TENM1: variants seen among roughly 807,000 people sequenced by gnomAD.
The protein encoded by TENM1 is teneurin-1.
In TENM1, 35 loss-of-function variants were observed where a neutral mutation model predicts 174.8. The observed-to-expected ratio is 0.20, with a 90% CI of 0.15 to 0.27. TENM1 has a LOEUF of 0.27. Among genes scored for constraint, TENM1 ranks in the 10% least tolerant of loss-of-function variants. The pLI is 1.00. For missense variants in TENM1, 1,633 were observed against 2,130.1 expected (o/e 0.77, Z 4.59); for synonymous variants, 781 against 798.7 (o/e 0.98, Z 0.37).
At chrX:124,888,432 G>A (rs1344907934) in intron 3 of TENM1, among the ~76,000 whole-genome samples, 6 of 111,802 alleles carry the variant, frequency 5.4e-5, no homozygotes, top group Non-Finnish European at 1.1e-4. Context: ...AAATACAACA[G>A]CACAAGTTAA....
intron 3 of TENM1, among the ~76,000 whole-genome samples, chrX:124,758,892 G>C (rs1350624527): frequency 9.0e-6 from 1 of 111,453 alleles, no homozygotes; most frequent in Non-Finnish European, 1.9e-5. Context: ...GGGGAAGAGG[G>C]AAGTTGTTTA....
At chrX:124,510,742 C>T (rs993479370) in intron 18 of TENM1, among the ~76,000 whole-genome samples, 2 of 104,513 alleles carry the variant, frequency 1.9e-5, no homozygotes, top group African/African-American at 3.5e-5. Flanking sequence ...AAACACAACT[C>T]GTTAATTGTG....
At chrX:125,022,506 T>C in the TENM1 span, among the ~76,000 whole-genome samples, 15 of 111,972 alleles carry the variant, frequency 1.3e-4, 1 homozygote, top group East Asian at 3.9e-3. Context: ...CATTATCATG[T>C]GGGGGCTAAG....
intron 5 of TENM1, among the ~76,000 whole-genome samples, chrX:124,675,836 T>C (rs910986338): frequency 1.8e-5 from 2 of 110,109 alleles, no homozygotes; most frequent in African/African-American, 6.6e-5. Flanking sequence ...GTAAGGGTGG[T>C]CAGAGAAGGC....
At chrX:124,835,043 A>C (rs5956700) in intron 3 of TENM1, among the ~76,000 whole-genome samples, 2,191 of 111,144 alleles carry the variant, frequency 0.02, 64 homozygotes, top group African/African-American at 0.068. Context: ...TCTGCCCTCA[A>C]CTCCCCAACA....
In TENM1 at chrX:124,529,862, A is replaced by C; in HGVS notation, c.2771+2T>G. 2 of 1,211,176 alleles carry C rather than the reference A, an allele frequency of 1.7e-6. No homozygotes were observed. The highest frequency in any genetic ancestry group is 2.2e-6 in the Non-Finnish European group (2 of 895,287). On this transcript the variant is annotated splice_donor_variant, in intron 16 of 31. Transcript: ENST00000422452. LOFTEE classifies it high-confidence loss of function. ...CAATGATCAGAAACAACATTGACAT[A>C]CCTTCCATCTTGCCGGCTGATGGTA...
chrX:124,725,344 C>G (rs148353300), intron 4 of TENM1, among the ~76,000 whole-genome samples: 371 of 111,470 alleles, frequency 3.3e-3, no homozygotes, highest in Middle Eastern at 9.4e-3. Flanking sequence ...AAGGTAGGCA[C>G]TTAATAAGTA....
At chrX:124,792,422 G>C (rs2055200470) in intron 3 of TENM1, among the ~76,000 whole-genome samples, 1 of 111,789 alleles carries the variant, frequency 8.9e-6, no homozygotes, top group Admixed American at 9.6e-5. Context: ...AAGTATTCTT[G>C]AAGATTATAA....
At chrX:124,587,310 A>T (rs2049556560) in intron 11 of TENM1, among the ~76,000 whole-genome samples, 1 of 110,094 alleles carries the variant, frequency 9.1e-6, no homozygotes, top group Admixed American at 9.7e-5. Flanking sequence ...TACAGTAACC[A>T]AAACAGCATG....
At chrX:125,064,532 G>T in the TENM1 span, among the ~76,000 whole-genome samples, 1 of 111,530 alleles carries the variant, frequency 9.0e-6, no homozygotes, top group Non-Finnish European at 1.9e-5. Flanking sequence ...TTTAAGAGGG[G>T]ATAAGATGAT....
At chrX:124,451,924 A>C (rs752147793) in intron 23 of TENM1, among the ~76,000 whole-genome samples, 2 of 112,274 alleles carry the variant, frequency 1.8e-5, no homozygotes, top group African/African-American at 6.5e-5. Flanking sequence ...AAACCCTACA[A>C]GAAAACCTAG....
intron 15 of TENM1, among the ~76,000 whole-genome samples, chrX:124,539,540 A>C (rs1431675690): frequency 8.9e-6 from 1 of 112,304 alleles, no homozygotes; most frequent in Non-Finnish European, 1.9e-5. Context: ...ACATTTAAAG[A>C]GTGAAATGAT....
the TENM1 span, among the ~76,000 whole-genome samples, chrX:125,130,010 C>T: frequency 2.7e-5 from 3 of 111,477 alleles, no homozygotes; most frequent in African/African-American, 9.8e-5. Context: ...AATTAAATTA[C>T]TTACTAGCAT....
chrX:124,773,989 A>G (rs1030982437), intron 3 of TENM1, among the ~76,000 whole-genome samples: 33 of 112,007 alleles, frequency 2.9e-4, no homozygotes, highest in African/African-American at 1.0e-3. Flanking sequence ...TGCAAATAAG[A>G]TCACAACCTA....
intron 3 of TENM1, among the ~76,000 whole-genome samples, chrX:124,822,867 G>C (rs756352121): frequency 1.8e-5 from 2 of 111,891 alleles, no homozygotes; most frequent in African/African-American, 3.2e-5. Flanking sequence ...ACCCAGAATC[G>C]GTAACAGGTT....
intron 23 of TENM1, among the ~76,000 whole-genome samples, chrX:124,452,809 T>C (rs2061055265): frequency 2.2e-5 from 2 of 91,788 alleles, no homozygotes; most frequent in Admixed American, 1.5e-4. Flanking sequence ...AGGTGGGAAC[T>C]GAACAATGAG....
intron 15 of TENM1, among the ~76,000 whole-genome samples, chrX:124,531,977 A>T (rs1023897179): frequency 8.9e-6 from 1 of 112,148 alleles, no homozygotes; most frequent in African/African-American, 3.2e-5. Flanking sequence ...CCTGCAAATG[A>T]CATATGGATT....
At chrX:125,099,939 T>C in the TENM1 span, among the ~76,000 whole-genome samples, 1 of 111,759 alleles carries the variant, frequency 8.9e-6, no homozygotes, top group African/African-American at 3.3e-5. Flanking sequence ...GGATGCAGAA[T>C]GCAAAATGCA....
At chrX:124,425,722 C>T (rs1337876496) in intron 23 of TENM1, among the ~76,000 whole-genome samples, 1 of 112,055 alleles carries the variant, frequency 8.9e-6, no homozygotes, top group East Asian at 2.8e-4. Flanking sequence ...GAGGGAAGCA[C>T]ATGTCCAGTT....
Sources: allele counts gnomAD v4.1 joint callset (sites outside exome capture counted in the v4.1 genomes callset), GRCh38; gene constraint gnomAD v4.1.1; transcripts MANE v1.5; gene names NCBI Gene and HGNC (gene_info 2026-07-23, HGNC 2026-07-21).